Variants in DLD observed in about 807,000 individuals in gnomAD.
DLD encodes dihydrolipoyl dehydrogenase, mitochondrial.
DLD carries 36 observed loss-of-function variants against 62.2 expected under a neutral mutation model. The ratio of observed to expected loss-of-function variants is 0.58; its 90% confidence interval spans 0.44 to 0.76. The LOEUF (loss-of-function observed/expected upper bound fraction) is 0.76, where lower values mean the gene tolerates loss of function less well. Ranked by LOEUF, DLD falls within the 30% of genes least tolerant of loss-of-function variation. DLD has a pLI of 0.00. For missense variants in DLD, 541 were observed against 608.6 expected (o/e 0.89, Z 1.17); for synonymous variants, 204 against 199.6 (o/e 1.02, Z -0.19).
At chr7:107,916,154 C>G (rs1584472418) in intron 9 of DLD, among the ~76,000 whole-genome samples, 1 of 152,114 alleles carries the variant, frequency 6.6e-6, no homozygotes, top group Non-Finnish European at 1.5e-5. Context: ...AGATAAGAAG[C>G]TGAATTCATT....
chr7:107,893,444 C>A, intron 2 of DLD, 166 bp downstream of exon 2: 4 of 503,852 alleles, frequency 7.9e-6, no homozygotes, highest in Non-Finnish European at 1.3e-5. Context: ...GTGTTCCAGG[C>A]GGTGAACAAG....
At chr7:107,917,535 A>C in intron 11 of DLD, 73 bp downstream of exon 11, 2 of 1,369,448 alleles carry the variant, frequency 1.5e-6, no homozygotes, top group Non-Finnish European at 2.1e-6. Context: ...GAGAAACAGC[A>C]TTTTATCATT....
intron 8 of DLD, among the ~76,000 whole-genome samples, chr7:107,909,663 GCTGATTAATAATGT>G (rs1056720027): frequency 2.6e-5 from 4 of 152,014 alleles, no homozygotes; most frequent in African/African-American, 7.3e-5. Context: ...TGTGAAACCA[GCTGATTAATAATGT>G]CTTCTAGTAT....
intron 1 of DLD, 177 bp downstream of exon 1, chr7:107,891,466 A>G: frequency 1.4e-6 from 1 of 703,272 alleles, no homozygotes; most frequent in Non-Finnish European, 2.5e-6. Context: ...GTGGCCGCTC[A>G]TCCTGCAGCA....
rs2032387462 is a variant in DLD, at chr7:107,920,592, G to A, written c.*1333G>A. On this transcript the variant is annotated 3_prime_UTR_variant, in exon 14 of 14. Transcript: ENST00000205402. ...TGCTGGAAGTCTTTCCCATGCAAGT[G>A]TGTAGTTCAGGGGTCAACCAGAGTT... is the stretch of plus-strand genomic sequence containing the variant. 2 of 152,242 alleles carry A rather than the reference G, an allele frequency of 1.3e-5. No homozygotes were observed. The highest frequency in any genetic ancestry group is 6.5e-5 in the Admixed American group (1 of 15,282). The allele number at this position is 152,242 out of a possible 1,614,324, so 9.4% of individuals were successfully genotyped here.
rs914629774 is a variant in DLD, at chr7:107,893,225, A to G, written c.65A>G (p.His22Arg). The G allele has an allele frequency of 1.3e-5, 21 of 1,612,558 alleles. No individual in the cohort carries two copies. Among genetic ancestry groups the G allele is most frequent in the Non-Finnish European group, 1.8e-5 (21 of 1,178,838 alleles). The stretch of plus-strand genomic sequence containing the variant: ...AGAGGCCATTTCAATCGAATATCTC[A>G]TGGCCTACAGGGACTTTCTGCAGTG... ...AKRGHFNRIS[H>R]GLQGLSAVPL... The change falls in exon 2 of 14, where the codon CAT becomes CGT. Residue 22 changes from histidine (H) to arginine (R), a missense_variant. His to Arg is a conservative substitution (Grantham distance 29, BLOSUM62 0). Transcript: ENST00000205402.
At chr7:107,893,388 T>G in intron 2 of DLD, 110 bp downstream of exon 2, 3 of 786,064 alleles carry the variant, frequency 3.8e-6, no homozygotes, top group Non-Finnish European at 6.1e-6. Flanking sequence ...TGTCTTATAG[T>G]TCATTTGTTC....
Position 107,917,284 on chromosome 7 carries a change from T to C in DLD, c.1058T>C (p.Ile353Thr), listed in dbSNP as rs2116271469. ...FQTKIPNIYA[I>T]GDVVAGPMLA... The stretch of plus-strand genomic sequence containing the variant: ...GATTTCTGTGGTAGTATCTATGCCA[T>C]TGGTGATGTAGTTGCTGGTCCAATG... Residue 353 changes from isoleucine to threonine, a missense_variant, in exon 11 of 14, where the codon ATT becomes ACT. By Grantham distance (89) the Ile-to-Thr change is moderately conservative (BLOSUM62 -1). Transcript: ENST00000205402. 3 of 1,614,110 alleles carry C rather than the reference T, an allele frequency of 1.9e-6. No homozygotes were observed. Among genetic ancestry groups the C allele is most frequent in the Non-Finnish European group, 2.5e-6 (3 of 1,179,974 alleles).
chr7:107,911,854 C>G (rs1019547149), intron 8 of DLD, among the ~76,000 whole-genome samples: 9 of 152,056 alleles, frequency 5.9e-5, no homozygotes, highest in African/African-American at 1.9e-4. Flanking sequence ...TTATTCTCTT[C>G]TAGCTATTTT....
At chr7:107,918,605 T>G (rs2032327204) in intron 12 of DLD, among the ~76,000 whole-genome samples, 1 of 152,242 alleles carries the variant, frequency 6.6e-6, no homozygotes, top group South Asian at 2.1e-4. Flanking sequence ...CCACTGAGCC[T>G]AAAGTATGTA....
intron 2 of DLD, among the ~76,000 whole-genome samples, chr7:107,895,021 T>C (rs1296003345): frequency 6.6e-6 from 1 of 152,228 alleles, no homozygotes; most frequent in Non-Finnish European, 1.5e-5. Context: ...GGGCCTGGTC[T>C]GTTTTAATTA....
In DLD at chr7:107,906,312, A is replaced by C; in HGVS notation, c.628A>C (p.Lys210Gln). The C allele has an allele frequency of 6.2e-7, 1 of 1,610,648 alleles. No homozygotes were observed. Among genetic ancestry groups the C allele is most frequent in the Non-Finnish European group, 8.5e-7 (1 of 1,176,942 alleles). Residue 210 changes from lysine (K) to glutamine (Q), a missense_variant, in exon 8 of 14, where the codon AAA (lysine) becomes CAA (glutamine). Physicochemically the swap from Lys to Gln is moderately conservative, Grantham distance 53. Coordinates refer to ENST00000205402, the MANE Select transcript of DLD (RefSeq NM_000108.5). The part of the protein sequence containing the change: ...IVSSTGALSL[K>Q]KVPEKMVVIG... ...GTCATCTACAGGTGCTTTATCTTTA[A>C]AAAAAGTTCCAGAAAAGATGGTTGT...
chr7:107,891,412 T>C (rs370474362), intron 1 of DLD, 123 bp downstream of exon 1: 19 of 1,081,960 alleles, frequency 1.8e-5, no homozygotes, highest in Admixed American at 1.6e-4. Flanking sequence ...GCACCACCCC[T>C]GGCCCCGCCT....
chr7:107,915,780 A>T, intron 9 of DLD, 84 bp downstream of exon 9: 1 of 1,276,962 alleles, frequency 7.8e-7, no homozygotes, highest in Non-Finnish European at 1.1e-6. Context: ...TTTAGCAAAT[A>T]TAGGGTTTTT....
rs2032007925 is a variant in DLD at position 107,906,366 on chromosome 7, T to C, written c.682T>C (p.Leu228=). The change falls in exon 8 of 14, where the codon TTG becomes CTG. Residue 228 remains leucine, a splice_region_variant and synonymous_variant. Coordinates refer to ENST00000205402, the MANE Select transcript of DLD (RefSeq NM_000108.5). The part of the protein sequence containing the change: ...VIGAGVIGVE[L]GSVWQRLGAD... Reference sequence around the variant, plus strand: ...TGGTGCAGGAGTAATAGGTGTAGAATTGGTAAGTGTTGTCTTTCTGCCTCT... The same window carrying C: ...TGGTGCAGGAGTAATAGGTGTAGAACTGGTAAGTGTTGTCTTTCTGCCTCT... The C allele has an allele frequency of 6.3e-7, 1 of 1,592,350 alleles. No individual in the cohort carries two copies. The highest frequency in any genetic ancestry group is 8.6e-7 in the Non-Finnish European group (1 of 1,160,336).
chr7:107,909,153 G>A (rs952195470), intron 8 of DLD, among the ~76,000 whole-genome samples: 14 of 151,912 alleles, frequency 9.2e-5, no homozygotes, highest in African/African-American at 2.7e-4. Flanking sequence ...CATTTTTTTC[G>A]CATTTGGAAT....
chr7:107,893,339 A>G (rs765346807), intron 2 of DLD, 61 bp downstream of exon 2: 36 of 1,257,740 alleles, frequency 2.9e-5, no homozygotes, highest in Middle Eastern at 1.9e-4. Context: ...TTCTATTTCA[A>G]TGTAAAAGCA....
Position 107,913,721 on chromosome 7 carries a change from T to C in DLD, c.685-1785T>C, listed in dbSNP as rs552359804. Among the ~76,000 whole-genome samples, 64 of 152,270 alleles carry C rather than the reference T, an allele frequency of 4.2e-4. No homozygotes were observed. In the South Asian group the frequency reaches 9.7e-3, roughly 23 times the overall value. ...TCCTTTTCAATTCGAATGCCCTTTGTTTCTTTCTCCTCTACAATTGCTGAG... is the reference window on the plus strand; with the variant it reads ...TCCTTTTCAATTCGAATGCCCTTTGCTTCTTTCTCCTCTACAATTGCTGAG... On this transcript the variant is annotated intron_variant, in intron 8 of 13. Transcript: ENST00000205402.
intron 12 of DLD, among the ~76,000 whole-genome samples, chr7:107,918,445 T>G (rs937027138): frequency 1.3e-5 from 2 of 152,212 alleles, no homozygotes; most frequent in Admixed American, 6.5e-5. Flanking sequence ...CTTCTCTCAT[T>G]TTCACAACAG....
Sources: gnomAD v4.1 joint callset for allele counts (sites outside exome capture counted in the v4.1 genomes callset) on GRCh38, gnomAD v4.1.1 for gene constraint, MANE v1.5 for transcripts, NCBI Gene and HGNC (gene_info 2026-07-23, HGNC 2026-07-21) for gene names.